GLIS3: variants seen among roughly 807,000 people sequenced by gnomAD.
GLIS3 encodes GLIS family zinc finger 3, also known as zinc finger protein GLIS3.
In GLIS3, 53 loss-of-function variants were observed where a neutral mutation model predicts 78.6. That is an observed-to-expected ratio of 0.67 (90% CI 0.54 to 0.85). The LOEUF is 0.85. Among genes scored for constraint, GLIS3 ranks in the 40% least tolerant of loss-of-function variants. The pLI is 0.00. For synonymous variants in GLIS3, 684 were observed against 509.9 expected, an observed-to-expected ratio of 1.34 and a Z score of -4.60; for missense variants, 1,703 against 1,231.1, an observed-to-expected ratio of 1.38 and a Z score of -5.74.
intron 7 of GLIS3, among the ~76,000 whole-genome samples, chr9:3,880,179 G>T (rs1270831574): frequency 6.6e-6 from 1 of 152,152 alleles, no homozygotes; most frequent in African/African-American, 2.4e-5. Flanking sequence ...ATGGTGTGAT[G>T]AATATACTTG....
chr9:3,934,235 T>G (rs1362436350), intron 5 of GLIS3, among the ~76,000 whole-genome samples: 1 of 152,128 alleles, frequency 6.6e-6, no homozygotes, highest in African/African-American at 2.4e-5. Context: ...GTTTCAGGAG[T>G]GCAACTAGCT....
the GLIS3 span, among the ~76,000 whole-genome samples, chr9:4,415,103 A>G: frequency 3.3e-5 from 5 of 152,130 alleles, no homozygotes; most frequent in Non-Finnish European, 7.3e-5. Flanking sequence ...ATAAGCTTAC[A>G]TTTTCTGAAG....
chr9:3,868,032 A>G (rs1376245363), intron 8 of GLIS3, among the ~76,000 whole-genome samples: 3 of 152,208 alleles, frequency 2.0e-5, no homozygotes, highest in Non-Finnish European at 4.4e-5. Context: ...AGGCTGATAA[A>G]AATGGTTATT....
intron 4 of GLIS3, among the ~76,000 whole-genome samples, chr9:4,046,561 A>G (rs1825267235): frequency 6.6e-6 from 1 of 152,198 alleles, no homozygotes; most frequent in Non-Finnish European, 1.5e-5. Flanking sequence ...CAATCAATGA[A>G]GCTAATACGA....
the GLIS3 span, among the ~76,000 whole-genome samples, chr9:4,391,064 C>G: frequency 1.3e-5 from 2 of 152,170 alleles, no homozygotes; most frequent in Non-Finnish European, 2.9e-5. Flanking sequence ...CTCCATCTCA[C>G]TCTCCCTTTC....
chr9:4,400,609 T>C, the GLIS3 span, among the ~76,000 whole-genome samples: 1 of 152,248 alleles, frequency 6.6e-6, no homozygotes, highest in African/African-American at 2.4e-5. Flanking sequence ...ATCTTCATTG[T>C]AGATTAATTT....
At chr9:3,918,393 G>T (rs1022031859) in intron 6 of GLIS3, among the ~76,000 whole-genome samples, 5 of 152,124 alleles carry the variant, frequency 3.3e-5, no homozygotes, top group Non-Finnish European at 7.4e-5. Context: ...CCATGACAGT[G>T]TCTCCCTCCT....
At chr9:4,388,428 C>A in the GLIS3 span, among the ~76,000 whole-genome samples, 2 of 152,040 alleles carry the variant, frequency 1.3e-5, no homozygotes, top group African/African-American at 4.8e-5. Flanking sequence ...CCTGTAATCC[C>A]AGCACTTTGG....
intron 4 of GLIS3, among the ~76,000 whole-genome samples, chr9:4,106,591 A>T (rs1375167327): frequency 1.3e-5 from 2 of 152,172 alleles, no homozygotes; most frequent in African/African-American, 4.8e-5. Context: ...GCACATTGTC[A>T]TTTTTTCCTT....
chr9:4,183,574 T>C (rs547570958), intron 2 of GLIS3, among the ~76,000 whole-genome samples: 2 of 152,204 alleles, frequency 1.3e-5, no homozygotes, highest in Non-Finnish European at 2.9e-5. Flanking sequence ...TGTGACCTTA[T>C]AAAGTCCCTC....
At chr9:4,401,399 A>G in the GLIS3 span, among the ~76,000 whole-genome samples, 2 of 149,120 alleles carry the variant, frequency 1.3e-5, no homozygotes, top group Non-Finnish European at 3.0e-5. Context: ...AGCTGGGGTT[A>G]CAGGCTTAAG....
intron 2 of GLIS3, among the ~76,000 whole-genome samples, chr9:4,256,707 G>C (rs773694488): frequency 4.3e-4 from 65 of 152,176 alleles, no homozygotes; most frequent in Admixed American, 7.9e-4. Flanking sequence ...AAGAGCCTAA[G>C]GGCTGTTTAT....
chr9:4,248,041 C>G (rs1305380115), intron 2 of GLIS3, among the ~76,000 whole-genome samples: 1 of 152,168 alleles, frequency 6.6e-6, no homozygotes. Context: ...CATCCCTTCA[C>G]TCCTCTCCTA....
chr9:3,870,468 C>G (rs548114043), intron 8 of GLIS3, among the ~76,000 whole-genome samples: 2 of 152,262 alleles, frequency 1.3e-5, no homozygotes, highest in Admixed American at 1.3e-4. Context: ...GTACCTGAGA[C>G]TGGGCAATTT....
chr9:3,860,485 G>T (rs1398759431), intron 8 of GLIS3, among the ~76,000 whole-genome samples: 1 of 151,946 alleles, frequency 6.6e-6, no homozygotes, highest in Non-Finnish European at 1.5e-5. Context: ...CATGCAGTGG[G>T]GTGGCCCAAC....
At chr9:3,872,345 A>G (rs1445635360) in intron 8 of GLIS3, among the ~76,000 whole-genome samples, 1 of 152,182 alleles carries the variant, frequency 6.6e-6, no homozygotes, top group Non-Finnish European at 1.5e-5. Context: ...TCAGGTATCT[A>G]CTGTAGCACC....
chr9:4,306,418 T>C (rs1331252509), intron 4 of GLIS3, among the ~76,000 whole-genome samples: 1 of 152,202 alleles, frequency 6.6e-6, no homozygotes, highest in Admixed American at 6.5e-5. Context: ...TCAGACCAGC[T>C]AGTCAACCCT....
At chr9:4,224,293 T>C (rs1821577810) in intron 2 of GLIS3, among the ~76,000 whole-genome samples, 1 of 152,186 alleles carries the variant, frequency 6.6e-6, no homozygotes, top group Non-Finnish European at 1.5e-5. Context: ...TATTCAATCG[T>C]GATGATAACC....
At chr9:4,176,863 A>G (rs1262555803) in intron 2 of GLIS3, among the ~76,000 whole-genome samples, 2 of 152,216 alleles carry the variant, frequency 1.3e-5, no homozygotes, top group Admixed American at 1.3e-4. Flanking sequence ...ACCTCAGGTG[A>G]TCCGCCCGCC....
Sources: gnomAD v4.1 joint callset for allele counts (sites outside exome capture counted in the v4.1 genomes callset) on GRCh38, gnomAD v4.1.1 for gene constraint, MANE v1.5 for transcripts, NCBI Gene and HGNC (gene_info 2026-07-23, HGNC 2026-07-21) for gene names.